CAMK2B: variants seen among roughly 807,000 people sequenced by gnomAD.
CAMK2B encodes calcium/calmodulin dependent protein kinase II beta.
A neutral mutation model predicts 93.7 loss-of-function variants in CAMK2B; 27 were observed. That is an observed-to-expected ratio of 0.29 (90% CI 0.21 to 0.40). The LOEUF (loss-of-function observed/expected upper bound fraction) is 0.40, where lower values mean the gene tolerates loss of function less well. Ranked by LOEUF, CAMK2B falls within the 10% of genes least tolerant of loss-of-function variation. The pLI, the probability that CAMK2B is intolerant of heterozygous loss-of-function variation, is 1.00. For synonymous variants in CAMK2B, 374 were observed against 358.8 expected (o/e 1.04, Z -0.48); for missense variants, 568 against 895.8 (o/e 0.63, Z 4.67).
At chr7:44,287,776 T>G (rs1239952430) in intron 1 of CAMK2B, among the ~76,000 whole-genome samples, 2 of 152,204 alleles carry the variant, frequency 1.3e-5, no homozygotes, top group Non-Finnish European at 2.9e-5. Flanking sequence ...CAAGATCCAA[T>G]GCAAACAGCT....
intron 2 of CAMK2B, among the ~76,000 whole-genome samples, chr7:44,270,383 C>T (rs74934471): frequency 0.091 from 13,891 of 152,190 alleles, 712 homozygotes; most frequent in Non-Finnish European, 0.11. Context: ...CTGGGGCTAC[C>T]TGGGGCTCTG....
Position 44,220,775 on chromosome 7 carries a change from G to A in CAMK2B, c.1673+51C>T. The stretch of plus-strand genomic sequence containing the variant: ...CCTGACTCTGAGCAGGCCCCCCCAA[G>A]GGTCCCACATCCTTGTCCTGCACAG... On this transcript the variant is annotated intron_variant, in intron 21 of 23. Coordinates refer to ENST00000395749, the MANE Select transcript of CAMK2B (RefSeq NM_001220.5). 6 of 1,562,940 alleles carry A rather than the reference G, an allele frequency of 3.8e-6. No homozygotes were observed. In the South Asian group the frequency reaches 5.9e-5, roughly 15 times the overall value.
At position 44,286,258 on chromosome 7, in the gene CAMK2B, CT is replaced by C. The variant is rs1247189016; in HGVS notation, c.66-2034del. On this transcript the variant is annotated intron_variant, in intron 1 of 23. Coordinates refer to ENST00000395749, the MANE Select transcript of CAMK2B (RefSeq NM_001220.5). This position sits in a 1 kb window ranked among gnomAD's most constrained non-coding sequence, Gnocchi z 4.0. Reference sequence around the variant, plus strand: ...GCTACCATCTGTCACGCTCTGACCCCTAGAGGGCTCAGCGGCCACAGGGCTG... The same window carrying C: ...GCTACCATCTGTCACGCTCTGACCCCAGAGGGCTCAGCGGCCACAGGGCTG... Among the ~76,000 whole-genome samples, 1 of 152,112 alleles carries C rather than the reference CT, an allele frequency of 6.6e-6. No homozygotes were observed. Among genetic ancestry groups the C allele is most frequent in the Admixed American group, 6.5e-5 (1 of 15,280 alleles).
Position 44,228,814 on chromosome 7 carries a change from C to A in CAMK2B, c.1450G>T (p.Gly484Cys). The change falls in exon 19 of 24, where the codon GGC becomes TGC. Residue 484 changes from glycine (G) to cysteine (C), a missense_variant. Coordinates refer to ENST00000395749, the MANE Select transcript of CAMK2B (RefSeq NM_001220.5). ...TACTTACACGGGGAGGACAGGGGGC[C>A]TAGGAGAGCCGGAGACAGGCAGGGC... ...PPPCLSPALL[G>C]PLSSPSPRIS... The A allele has an allele frequency of 6.6e-7, 1 of 1,522,452 alleles. No individual in the cohort carries two copies. Among genetic ancestry groups the A allele is most frequent in the South Asian group, 1.3e-5 (1 of 77,274 alleles). 94.3% of individuals were successfully genotyped at this position (1,522,452 alleles called of 1,614,324 possible).
intron 5 of CAMK2B, among the ~76,000 whole-genome samples, chr7:44,249,712 C>A (rs1172580455): frequency 6.6e-6 from 1 of 152,198 alleles, no homozygotes; most frequent in African/African-American, 2.4e-5. Flanking sequence ...CGGCCTGCAC[C>A]GCATGCACCT....
At chr7:44,284,753 C>T (rs191249116) in intron 1 of CAMK2B, among the ~76,000 whole-genome samples, 1 of 152,340 alleles carries the variant, frequency 6.6e-6, no homozygotes, top group African/African-American at 2.4e-5. Flanking sequence ...TGCAGTCAGA[C>T]ATGGGGACTC....
chr7:44,272,335 G>A (rs893627723), intron 2 of CAMK2B, among the ~76,000 whole-genome samples: 6 of 152,114 alleles, frequency 3.9e-5, no homozygotes, highest in African/African-American at 1.4e-4. Context: ...GTAGGCGGTG[G>A]AGGCAGACAC....
At chr7:44,276,248 C>T (rs1409615045) in intron 2 of CAMK2B, among the ~76,000 whole-genome samples, 1 of 152,094 alleles carries the variant, frequency 6.6e-6, no homozygotes, top group Non-Finnish European at 1.5e-5. Context: ...CTGCCACAGG[C>T]GCATGCTCAG....
chr7:44,256,479 T>C (rs773367821), intron 4 of CAMK2B, among the ~76,000 whole-genome samples: 18 of 152,226 alleles, frequency 1.2e-4, no homozygotes, highest in Non-Finnish European at 2.1e-4. Context: ...CCTTGTGCAC[T>C]TGTAGAGCAG....
chr7:44,277,565 G>C (rs1475568232), intron 2 of CAMK2B, among the ~76,000 whole-genome samples: 1 of 152,192 alleles, frequency 6.6e-6, no homozygotes, highest in Non-Finnish European at 1.5e-5. Context: ...ACATGAGTGA[G>C]TGTGGGGACA....
At chr7:44,288,607 T>C (rs1785795586) in intron 1 of CAMK2B, among the ~76,000 whole-genome samples, 1 of 152,168 alleles carries the variant, frequency 6.6e-6, no homozygotes, top group African/African-American at 2.4e-5. Context: ...CCAAGCATAT[T>C]ATGGGGCTTT....
At chr7:44,318,444 C>T (rs1795317779) in intron 1 of CAMK2B, among the ~76,000 whole-genome samples, 1 of 152,234 alleles carries the variant, frequency 6.6e-6, no homozygotes, top group African/African-American at 2.4e-5. Flanking sequence ...GTGACCCAGA[C>T]CATTGCTGAG....
At chr7:44,237,588 C>T (rs959249166) in intron 13 of CAMK2B, among the ~76,000 whole-genome samples, 2 of 152,218 alleles carry the variant, frequency 1.3e-5, no homozygotes, top group Non-Finnish European at 1.5e-5. Context: ...TCCCGGCCAA[C>T]CATTTTTTGG....
chr7:44,252,530 G>A (rs113847332), intron 5 of CAMK2B, among the ~76,000 whole-genome samples: 3 of 148,582 alleles, frequency 2.0e-5, no homozygotes, highest in Non-Finnish European at 3.0e-5. Context: ...GATGGGGCAC[G>A]GGCAGGGGGT....
At chr7:44,258,832 G>T in intron 4 of CAMK2B, 40 bp downstream of exon 4, 1 of 1,596,368 alleles carries the variant, frequency 6.3e-7, no homozygotes, top group Non-Finnish European at 8.6e-7. Context: ...AGCCAAGGCT[G>T]GGAGTGAGTG....
intron 16 of CAMK2B, 68 bp from the exon 17 acceptor site, chr7:44,231,122 G>A (rs1003304308): frequency 5.4e-6 from 7 of 1,307,608 alleles, no homozygotes; most frequent in South Asian, 1.3e-5. Flanking sequence ...CTGAGGGCAG[G>A]TGGACAGGGC....
At chr7:44,250,775 G>A (rs575028177) in intron 5 of CAMK2B, among the ~76,000 whole-genome samples, 2 of 152,256 alleles carry the variant, frequency 1.3e-5, no homozygotes, top group South Asian at 4.1e-4. Flanking sequence ...TGATCCGCCC[G>A]CCTCGGCCTC....
chr7:44,246,402 C>G (rs1562887852), intron 6 of CAMK2B, among the ~76,000 whole-genome samples: 1 of 152,178 alleles, frequency 6.6e-6, no homozygotes, highest in African/African-American at 2.4e-5. Context: ...CTCCAACACA[C>G]AAGTGCACAC....
chr7:44,270,041 C>T (rs1234267513), intron 2 of CAMK2B, among the ~76,000 whole-genome samples: 1 of 152,018 alleles, frequency 6.6e-6, no homozygotes, highest in Non-Finnish European at 1.5e-5. Flanking sequence ...GAAATCCACA[C>T]GGGCCTGACA....
Sources: allele counts gnomAD v4.1 joint callset (sites outside exome capture counted in the v4.1 genomes callset), GRCh38; gene constraint gnomAD v4.1.1; non-coding constraint Gnocchi (gnomAD v3.1); transcripts MANE v1.5; gene names NCBI Gene and HGNC (gene_info 2026-07-23, HGNC 2026-07-21).